HUNK: variants seen among roughly 807,000 people sequenced by gnomAD.
HUNK encodes hormonally up-regulated neu tumor-associated kinase.
A neutral mutation model predicts 61.0 loss-of-function variants in HUNK; 21 were observed. That is an observed-to-expected ratio of 0.34 (90% CI 0.24 to 0.50). The LOEUF is 0.50. Ranked by LOEUF, HUNK falls within the 20% of genes least tolerant of loss-of-function variation. The pLI, the probability that HUNK is intolerant of heterozygous loss-of-function variation, is 0.98. For synonymous variants in HUNK, 371 were observed against 386.1 expected (o/e 0.96, Z 0.46); for missense variants, 772 against 945.7 (o/e 0.82, Z 2.41).
At chr21:31,972,260 T>C (rs1030658834) in intron 6 of HUNK, among the ~76,000 whole-genome samples, 2 of 152,064 alleles carry the variant, frequency 1.3e-5, no homozygotes, top group Non-Finnish European at 2.9e-5. Context: ...AGATCCATGG[T>C]ATCAAAATGG....
intron 4 of HUNK, among the ~76,000 whole-genome samples, chr21:31,954,196 A>G (rs543416320): frequency 1.3e-5 from 2 of 152,270 alleles, no homozygotes; most frequent in East Asian, 1.9e-4. Context: ...ATGATGTCCT[A>G]CTTCCTAGAG....
At chr21:31,930,655 A>G (rs2052690176) in intron 2 of HUNK, among the ~76,000 whole-genome samples, 1 of 152,242 alleles carries the variant, frequency 6.6e-6, no homozygotes. Context: ...CCCAGTGGGC[A>G]CACAGTAAGA....
intron 1 of HUNK, among the ~76,000 whole-genome samples, chr21:31,906,639 A>C (rs957413694): frequency 6.6e-6 from 1 of 152,036 alleles, no homozygotes; most frequent in African/African-American, 2.4e-5. Context: ...CATGTTGCCC[A>C]GGCTGGTCTT....
chr21:31,940,778 C>T (rs1004288101), intron 3 of HUNK, among the ~76,000 whole-genome samples: 4 of 152,108 alleles, frequency 2.6e-5, no homozygotes, highest in African/African-American at 9.7e-5. Flanking sequence ...GTTTTCTAGA[C>T]GAATTCAGGT....
intron 1 of HUNK, among the ~76,000 whole-genome samples, chr21:31,904,604 A>G (rs1601368980): frequency 6.6e-6 from 1 of 152,290 alleles, no homozygotes. Context: ...CGTTTCCTTG[A>G]GTCATGTTGC....
At chr21:31,998,062 T>C (rs930958609) in intron 10 of HUNK, among the ~76,000 whole-genome samples, 1 of 152,092 alleles carries the variant, frequency 6.6e-6, no homozygotes, top group Non-Finnish European at 1.5e-5. Flanking sequence ...GGACCACAGG[T>C]GCATGCCACC....
intron 4 of HUNK, among the ~76,000 whole-genome samples, chr21:31,948,780 T>C (rs1243577434): frequency 3.9e-5 from 6 of 151,960 alleles, no homozygotes; most frequent in Non-Finnish European, 8.8e-5. Flanking sequence ...AGCAGAGGAA[T>C]GTGGGTCAGC....
intron 1 of HUNK, among the ~76,000 whole-genome samples, chr21:31,892,394 C>T (rs990586227): frequency 1.3e-5 from 2 of 151,276 alleles, no homozygotes; most frequent in Middle Eastern, 6.4e-3. Context: ...GGTGAGACCT[C>T]TGCCTCTATA....
At position 31,946,054 on chromosome 21, in the gene HUNK, G is replaced by C; in HGVS notation, c.629G>C (p.Cys210Ser). The part of the protein sequence containing the change: ...IKLIDFGLSN[C>S]AGILGYSDPF... ...TTTGCAGACTTTGGTTTGAGCAACT[G>C]CGCAGGGATCCTGGGTTACTCGGAT... The change falls in exon 4 of 11, where the codon TGC becomes TCC. Residue 210 changes from cysteine (C) to serine (S), a missense_variant. Physicochemically the swap from Cys to Ser is moderately radical, Grantham distance 112 (BLOSUM62 -1). Coordinates refer to ENST00000270112, the MANE Select transcript of HUNK (RefSeq NM_014586.2). 1 of 1,605,220 alleles carries C rather than the reference G, an allele frequency of 6.2e-7. No homozygotes were observed. The highest frequency in any genetic ancestry group is 8.5e-7 in the Non-Finnish European group (1 of 1,172,964).
chr21:31,888,694 T>G (rs2052365837), intron 1 of HUNK, among the ~76,000 whole-genome samples: 1 of 151,916 alleles, frequency 6.6e-6, no homozygotes, highest in African/African-American at 2.4e-5. Context: ...GAGCCAAGAT[T>G]GTGCCATTGT....
intron 1 of HUNK, among the ~76,000 whole-genome samples, chr21:31,887,136 A>G (rs1248282632): frequency 1.3e-5 from 2 of 152,050 alleles, no homozygotes; most frequent in Non-Finnish European, 2.9e-5. Flanking sequence ...CTGTAGAAAA[A>G]TCCTGGCCCC....
At chr21:31,953,900 G>C (rs181618959) in intron 4 of HUNK, among the ~76,000 whole-genome samples, 1 of 152,270 alleles carries the variant, frequency 6.6e-6, no homozygotes, top group Admixed American at 6.5e-5. Flanking sequence ...GCTCAACCCT[G>C]ACCAGACCTG....
At chr21:31,947,226 C>T (rs1440772283) in intron 4 of HUNK, among the ~76,000 whole-genome samples, 73 of 149,842 alleles carry the variant, frequency 4.9e-4, no homozygotes, top group African/African-American at 1.7e-3. Flanking sequence ...GCCAGTGGCG[C>T]CTGCGCATTC....
In HUNK at chr21:31,903,160, G is replaced by A. The variant is rs114778993; in HGVS notation, c.262-21308G>A. On this transcript the variant is annotated intron_variant, in intron 1 of 10. Transcript: ENST00000270112. ...AACTTATGCTTGACCCAAATTCAGA[G>A]CATGGGGCCCAGTGGGATAGAAAAT... Among the ~76,000 whole-genome samples the A allele has an allele frequency of 8.8e-3, 1,339 of 152,016 alleles. 22 individuals are homozygous for A. Among genetic ancestry groups the A allele is most frequent in the African/African-American group, 0.031 (1,282 of 41,420 alleles).
Position 31,998,537 on chromosome 21 carries a change from T to C in HUNK, c.1498T>C (p.Cys500Arg), listed in dbSNP as rs1368812416. The change falls in exon 11 of 11, where the codon TGC becomes CGC. Residue 500 changes from cysteine to arginine, a missense_variant. Physicochemically the swap from Cys to Arg is radical, Grantham distance 180. This residue lies in a region of HUNK where 413 missense variants were observed against 444.4 expected (regional missense o/e 0.93). Coordinates refer to ENST00000270112, the MANE Select transcript of HUNK (RefSeq NM_014586.2). ...TTCTTGGTGTGCAGATTCCTTTGGCTGCCGCAATATTTTCCGCAAAACCTC... is the reference window on the plus strand; with the variant it reads ...TTCTTGGTGTGCAGATTCCTTTGGCCGCCGCAATATTTTCCGCAAAACCTC... ...SSFPDKDSFG[C>R]RNIFRKTSDS... is the part of the protein sequence containing the mutation. 1 of 1,588,320 alleles carries C rather than the reference T, an allele frequency of 6.3e-7. No individual in the cohort carries two copies. Among genetic ancestry groups the C allele is most frequent in the Non-Finnish European group, 8.6e-7 (1 of 1,167,778 alleles).
chr21:31,877,468 C>T (rs2123785159), intron 1 of HUNK, among the ~76,000 whole-genome samples: 1 of 152,282 alleles, frequency 6.6e-6, no homozygotes, highest in African/African-American at 2.4e-5. Flanking sequence ...TGTTTAGAAG[C>T]CATTTGAATC....
chr21:31,956,399 T>C (rs1208230118), intron 4 of HUNK, among the ~76,000 whole-genome samples: 1 of 152,210 alleles, frequency 6.6e-6, no homozygotes, highest in South Asian at 2.1e-4. Flanking sequence ...AAGCGATGTG[T>C]CCAAGTCCTC....
intron 7 of HUNK, among the ~76,000 whole-genome samples, chr21:31,981,555 C>T (rs1471649464): frequency 1.3e-5 from 2 of 152,078 alleles, no homozygotes; most frequent in African/African-American, 4.8e-5. Flanking sequence ...TTATAGTTTT[C>T]AGTGTACAGA....
intron 1 of HUNK, among the ~76,000 whole-genome samples, chr21:31,903,420 G>A (rs2052482564): frequency 6.6e-6 from 1 of 151,692 alleles, no homozygotes; most frequent in South Asian, 2.1e-4. Flanking sequence ...TTACTTTTTA[G>A]TCATTGGAAT....
Sources: allele counts gnomAD v4.1 joint callset (sites outside exome capture counted in the v4.1 genomes callset), GRCh38; gene constraint gnomAD v4.1.1; regional missense constraint gnomAD v4.1.1; transcripts MANE v1.5; gene names NCBI Gene and HGNC (gene_info 2026-07-23, HGNC 2026-07-21).